The following LTBR variants were observed in gnomAD, a reference collection of about 807,000 sequenced individuals.
LTBR encodes tumor necrosis factor receptor superfamily member 3.
A neutral mutation model predicts 45.4 loss-of-function variants in LTBR; 15 were observed. The ratio of observed to expected loss-of-function variants is 0.33; its 90% CI spans 0.22 to 0.51. The LOEUF (loss-of-function observed/expected upper bound fraction) is 0.51. Among genes scored for constraint, LTBR ranks in the 20% least tolerant of loss-of-function variants. The pLI, the probability that LTBR is intolerant of heterozygous loss-of-function variation, is 0.97. For missense variants in LTBR, 450 were observed against 565.5 expected, an observed-to-expected ratio of 0.80 and a Z score of 2.07; for synonymous variants, 228 against 231.0, an observed-to-expected ratio of 0.99 and a Z score of 0.12.
intron 1 of LTBR, chr12:6,376,273 G>T: frequency 1.3e-6 from 1 of 774,552 alleles, no homozygotes. Flanking sequence ...ACCTTGTCCA[G>T]ACCCGGGAGG....
At chr12:6,381,958 C>T (rs145493056), upstream of LTBR, among the ~76,000 whole-genome samples, 10 of 152,076 alleles carry the variant, frequency 6.6e-5, no homozygotes, top group South Asian at 4.2e-4. Context: ...GGCGACAAAG[C>T]GAGACTCTGT....
chr12:6,386,520 G>C lies in LTBR; in HGVS notation c.667+76G>C, dbSNP rs2136930883. On this transcript the variant is annotated intron_variant, in intron 6 of 9. Coordinates refer to ENST00000228918, the MANE Select transcript of LTBR (RefSeq NM_002342.3). This position sits in a 1 kb window ranked among gnomAD's most constrained non-coding sequence, Gnocchi z 4.1. ...TAATGCTCCACATCTTAAAAAAAAT[G>C]GGGAAAAGATGAACACTTCCCTCCC... The C allele has an allele frequency of 8.6e-7, 1 of 1,167,594 alleles. No homozygotes were observed. The highest frequency in any genetic ancestry group is 2.1e-5 in the Admixed American group (1 of 46,548). The allele number at this position is 1,167,594 out of a possible 1,614,324, so 72.3% of individuals were successfully genotyped here.
upstream of LTBR, among the ~76,000 whole-genome samples, chr12:6,383,834 C>G (rs898648393): frequency 6.6e-6 from 1 of 152,230 alleles, no homozygotes; most frequent in Non-Finnish European, 1.5e-5. Flanking sequence ...GTCCTGGGCC[C>G]CTCGCTTTCC....
Position 6,388,632 on chromosome 12 carries a change from A to T in LTBR, c.775+127A>T. The T allele has an allele frequency of 1.8e-6, 2 of 1,094,024 alleles. No individual in the cohort carries two copies. The highest frequency in any genetic ancestry group is 1.3e-5 in the South Asian group (1 of 75,264). 67.8% of individuals were successfully genotyped at this position (1,094,024 alleles called of 1,614,324 possible). A position where few individuals can be genotyped will look rare whatever the true frequency, so the allele number is the denominator to read the frequency against. On this transcript the variant is annotated intron_variant, in intron 7 of 9. Coordinates refer to ENST00000228918, the MANE Select transcript of LTBR (RefSeq NM_002342.3). The surrounding 1 kb of genome is among the most constrained non-coding windows in gnomAD (Gnocchi z 4.3). ...GCCTACCCCCAACATAGACATCCTT[A>T]TCTTCATCCAGCTGCTTATTCTGAG... is the stretch of plus-strand genomic sequence containing the variant.
intron 8 of LTBR, chr12:6,389,550 C>T (rs1054939049): frequency 8.4e-5 from 13 of 155,642 alleles, no homozygotes; most frequent in Admixed American, 3.8e-4. Context: ...ACATGTAATC[C>T]CAGTACTTTG....
At chr12:6,380,994 C>G (rs549805147), upstream of LTBR, among the ~76,000 whole-genome samples, 1 of 152,310 alleles carries the variant, frequency 6.6e-6, no homozygotes, top group East Asian at 1.9e-4. Flanking sequence ...CTCCCTTTAT[C>G]CTCCTGGGGA....
chr12:6,377,631 C>T (rs925953548), intron 1 of LTBR: 6 of 1,308,274 alleles, frequency 4.6e-6, no homozygotes, highest in Middle Eastern at 4.1e-4. Flanking sequence ...CCAGAGACCC[C>T]TAGAAACTCC....
chr12:6,386,286 T>C lies in LTBR; in HGVS notation c.570-61T>C. 6.6e-7 allele frequency: 1 copy of C among 1,520,410 alleles called. No homozygotes were observed. The highest frequency in any genetic ancestry group is 9.1e-7 in the Non-Finnish European group (1 of 1,096,878). 94.2% of individuals were successfully genotyped at this position (1,520,410 alleles called of 1,614,324 possible). A position where few individuals can be genotyped will look rare whatever the true frequency, so the allele number is the denominator to read the frequency against. ...ACTTTCAGCCTCCCCGCCTGCCCAG[T>C]GGAGTCGGGACACTGGTGGGCCAGG... is the stretch of plus-strand genomic sequence containing the variant. On this transcript the variant is annotated intron_variant, in intron 5 of 9. Transcript: ENST00000228918. This position sits in a 1 kb window ranked among gnomAD's most constrained non-coding sequence, Gnocchi z 4.1.
intron 2 of LTBR, 23 bp from the exon 3 acceptor site, chr12:6,384,999 C>G (rs199523369): frequency 2.5e-6 from 4 of 1,613,920 alleles, no homozygotes; most frequent in Non-Finnish European, 2.5e-6. Context: ...TCCTGAGGCT[C>G]TACTGCTCCA....
In LTBR at chr12:6,384,271, C is replaced by A; in HGVS notation, c.-88C>A. On this transcript the variant is annotated 5_prime_UTR_variant, in exon 1 of 10. Coordinates refer to ENST00000228918, the MANE Select transcript of LTBR (RefSeq NM_002342.3). ...TCCCGTCCCAGGCTCTGGGCTCGGGCAGCCGCCGCCACCGCTGCCCAGGAC... is the reference window on the plus strand; with the variant it reads ...TCCCGTCCCAGGCTCTGGGCTCGGGAAGCCGCCGCCACCGCTGCCCAGGAC... The A allele has an allele frequency of 1.4e-6, 2 of 1,419,056 alleles. No individual in the cohort carries two copies. The highest frequency in any genetic ancestry group is 3.1e-5 in the South Asian group (2 of 65,514). The allele number at this position is 1,419,056 out of a possible 1,614,324, so 87.9% of individuals were successfully genotyped here. A position where few individuals can be genotyped will look rare whatever the true frequency, so the allele number is the denominator to read the frequency against.
At chr12:6,377,001 G>A (rs1011997386) in intron 1 of LTBR, among the ~76,000 whole-genome samples, 2 of 151,920 alleles carry the variant, frequency 1.3e-5, no homozygotes, top group Non-Finnish European at 2.9e-5. Context: ...TCAGAGATAA[G>A]ACATAAGAGC....
rs772511553 is a variant in LTBR at position 6,390,964 on chromosome 12, G to A, written c.*27G>A. 39 of 1,503,840 alleles carry A rather than the reference G, an allele frequency of 2.6e-5. No homozygotes were observed. Among genetic ancestry groups the A allele is most frequent in the Middle Eastern group, 1.8e-4 (1 of 5,686 alleles). The allele number at this position is 1,503,840 out of a possible 1,614,324, so 93.2% of individuals were successfully genotyped here. On this transcript the variant is annotated 3_prime_UTR_variant, in exon 10 of 10. Transcript: ENST00000228918. ...TGAGTCTGAGAAAAGGCAGAAGAAG[G>A]GGGGCACAAGGGCACCTTCTCCCTT...
upstream of LTBR, among the ~76,000 whole-genome samples, chr12:6,382,658 T>G (rs1948995980): frequency 6.6e-6 from 1 of 152,080 alleles, no homozygotes; most frequent in Non-Finnish European, 1.5e-5. Context: ...CCTCACAGAG[T>G]GAAATGCCTA....
At chr12:6,379,095 TTTATTA>T (rs1948950313) in intron 1 of LTBR, among the ~76,000 whole-genome samples, 1 of 152,154 alleles carries the variant, frequency 6.6e-6, no homozygotes, top group Non-Finnish European at 1.5e-5. Context: ...TTTACTATTA[TTTATTA>T]TTATTATTTA....
chr12:6,389,842 C>A, intron 8 of LTBR: 2 of 386,684 alleles, frequency 5.2e-6, no homozygotes, highest in African/African-American at 2.1e-5. Flanking sequence ...ACAGTCCCAG[C>A]TACTCAGGAG....
chr12:6,375,570 A>C, exon 1 of LTBR: 1 of 1,528,820 alleles, frequency 6.5e-7, no homozygotes, highest in Non-Finnish European at 8.8e-7. Context: ...AAGCGACAGG[A>C]ATCTCATTAG....
chr12:6,375,522 C>G (rs1948889276), exon 1 of LTBR: 1 of 1,535,422 alleles, frequency 6.5e-7, no homozygotes, highest in Middle Eastern at 1.7e-4. Context: ...GTGCAGCGGC[C>G]TGGCTGGGGA....
chr12:6,378,857 G>A (rs139242578), intron 1 of LTBR, among the ~76,000 whole-genome samples: 1,653 of 142,734 alleles, frequency 0.012, 27 homozygotes, highest in African/African-American at 0.037. Flanking sequence ...AGCCCTTCCC[G>A]CCAACCCAGG....
upstream of LTBR, chr12:6,375,199 ACTCCCTCTCT>A: frequency 7.0e-7 from 1 of 1,437,030 alleles, no homozygotes; most frequent in Non-Finnish European, 9.1e-7. Flanking sequence ...CCTGCCTCTC[ACTCCCTCTCT>A]ATCTGCCTTC....
Sources: gnomAD v4.1 joint callset for allele counts (sites outside exome capture counted in the v4.1 genomes callset) on GRCh38, gnomAD v4.1.1 for gene constraint, Gnocchi (gnomAD v3.1) non-coding constraint, MANE v1.5 for transcripts, NCBI Gene and HGNC (gene_info 2026-07-23, HGNC 2026-07-21) for gene names.